Variants in TRIM15 observed in about 807,000 individuals in gnomAD.
TRIM15 encodes the protein tripartite motif containing 15, also known as E3 ubiquitin-protein ligase TRIM15.
In TRIM15, 35 loss-of-function variants were observed where a neutral mutation model predicts 35.8. The observed-to-expected ratio is 0.98, with a 90% confidence interval of 0.75 to 1.30. The LOEUF (loss-of-function observed/expected upper bound fraction) is 1.30, where lower values mean the gene tolerates loss of function less well. Among genes scored for constraint, TRIM15 ranks in the 50% most tolerant of loss-of-function variants. The pLI, the probability that TRIM15 is intolerant of heterozygous loss-of-function variation, is 0.00. For synonymous variants in TRIM15, 252 were observed against 249.8 expected, an observed-to-expected ratio of 1.01 and a Z score of -0.08; for missense variants, 590 against 593.5, an observed-to-expected ratio of 0.99 and a Z score of 0.06.
rs200404814 is a variant in TRIM15 at position 30,163,904 on chromosome 6, C to T, written c.220C>T (p.Pro74Ser). Residue 74 changes from proline to serine, a missense_variant, in exon 1 of 7, where the codon CCC (proline) becomes TCC (serine). By Grantham distance (74) the Pro-to-Ser change is moderately conservative. Coordinates refer to ENST00000376694, the MANE Select transcript of TRIM15 (RefSeq NM_033229.3). ...GGCAGAGACTCCCATGGCCCCTGTG[C>T]CCCTGGGCCCGCTGGGAGAAACTTA... is the stretch of plus-strand genomic sequence containing the variant. ...EQAETPMAPV[P>S]LGPLGETYCE... The T allele has an allele frequency of 2.5e-5, 40 of 1,613,086 alleles. No homozygotes were observed. The highest frequency in any genetic ancestry group is 1.7e-4 in the Middle Eastern group (1 of 6,038).
rs754537772 is a variant in TRIM15, at chr6:30,168,532, T to C, written c.708+2T>C. 1 of 1,579,182 alleles carries C rather than the reference T, an allele frequency of 6.3e-7. No homozygotes were observed. Among genetic ancestry groups the C allele is most frequent in the Non-Finnish European group, 8.6e-7 (1 of 1,161,472 alleles). ...CAGCCAGCAAGTGAGCTTCTACAAG[T>C]GAGAGACACTTCACCACTTTGTAGG... On this transcript the variant is annotated splice_donor_variant, in intron 3 of 6. Coordinates refer to ENST00000376694, the MANE Select transcript of TRIM15 (RefSeq NM_033229.3). LOFTEE classifies it high-confidence loss of function.
At position 30,163,554 on chromosome 6, in the gene TRIM15, TTCTC is replaced by T. The variant is rs1562136672; in HGVS notation, c.-123_-120del. On this transcript the variant is annotated 5_prime_UTR_variant, in exon 1 of 7. Coordinates refer to ENST00000376694, the MANE Select transcript of TRIM15 (RefSeq NM_033229.3). ...CTGGCATTCTTGCCTCTCTCTCTCT[TTCTC>T]TCTCTCTGTCTCTTAGCCTTGCAGC... 6 of 1,136,864 alleles carry T rather than the reference TTCTC, an allele frequency of 5.3e-6. No homozygotes were observed. The highest frequency in any genetic ancestry group is 5.9e-6 in the Non-Finnish European group (5 of 850,340). 70.4% of individuals were successfully genotyped at this position (1,136,864 alleles called of 1,614,324 possible).
intron 5 of TRIM15, 102 bp downstream of exon 5, chr6:30,170,718 T>C: frequency 1.1e-6 from 1 of 945,874 alleles, no homozygotes; most frequent in East Asian, 2.5e-5. Context: ...GCTCGAGACA[T>C]CTTCCCTCCC....
Position 30,163,575 on chromosome 6 carries a change from C to CTCT in TRIM15, c.-110_-109insTCT. ...CTCTTTCTCTCTCTCTGTCTCTTAG[C>CTCT]CTTGCAGCCGTTTCCCTCTGCGATT... On this transcript the variant is annotated 5_prime_UTR_variant, in exon 1 of 7. Coordinates refer to ENST00000376694, the MANE Select transcript of TRIM15 (RefSeq NM_033229.3). 3.7e-5 allele frequency: 41 copies of CTCT among 1,097,248 alleles called. No individual in the cohort carries two copies. Among genetic ancestry groups the CTCT allele is most frequent in the East Asian group, 7.0e-5 (2 of 28,612 alleles). 68.0% of individuals were successfully genotyped at this position (1,097,248 alleles called of 1,614,324 possible).
At position 30,170,635 on chromosome 6, in the gene TRIM15, C is replaced by T. The variant is rs762832554; in HGVS notation, c.847+19C>T. 4.0e-5 allele frequency: 62 copies of T among 1,569,422 alleles called. No individual in the cohort carries two copies. The highest frequency in any genetic ancestry group is 5.0e-5 in the Non-Finnish European group (57 of 1,142,056). On this transcript the variant is annotated intron_variant, in intron 5 of 6. Coordinates refer to ENST00000376694, the MANE Select transcript of TRIM15 (RefSeq NM_033229.3). Reference sequence around the variant, plus strand: ...TTCTCAGGTAAAGGGGAAGGCGCCACAGTTTTCCCCAGTCCCATTAGCTGC... The same window carrying T: ...TTCTCAGGTAAAGGGGAAGGCGCCATAGTTTTCCCCAGTCCCATTAGCTGC...
At chr6:30,168,640 T>A in intron 3 of TRIM15, 110 bp downstream of exon 3, 1 of 1,054,238 alleles carries the variant, frequency 9.5e-7, no homozygotes, top group Non-Finnish European at 1.4e-6. Context: ...GGAGAGAGGT[T>A]AACGGGGTGC....
chr6:30,170,426 T>G, intron 4 of TRIM15, 75 bp from the exon 5 acceptor site: 1 of 847,412 alleles, frequency 1.2e-6, no homozygotes. Context: ...TTAGTCTGAT[T>G]TTAGCCTCAC....
chr6:30,168,633 G>T (rs1773791233), intron 3 of TRIM15, 103 bp downstream of exon 3: 2 of 1,152,848 alleles, frequency 1.7e-6, no homozygotes, highest in Non-Finnish European at 2.5e-6. Context: ...GGGAAGTGGA[G>T]AGAGGTTAAC....
chr6:30,171,687 A>C, intron 6 of TRIM15, 145 bp from the exon 7 acceptor site: 1 of 1,072,044 alleles, frequency 9.3e-7, no homozygotes, highest in Non-Finnish European at 1.3e-6. Flanking sequence ...CCACTTGCTG[A>C]TTAGGTAGAA....
At chr6:30,171,166 T>C (rs1773990721) in intron 6 of TRIM15, 158 bp downstream of exon 6, 1 of 725,938 alleles carries the variant, frequency 1.4e-6, no homozygotes, top group Non-Finnish European at 2.3e-6. Flanking sequence ...TTATTAAGCC[T>C]CTGTCCCACA....
chr6:30,170,309 C>T lies in TRIM15; in HGVS notation c.732-192C>T, dbSNP rs560253346. 3 of 567,934 alleles carry T rather than the reference C, an allele frequency of 5.3e-6. No homozygotes were observed. In the East Asian group the frequency reaches 8.6e-5, roughly 16 times the overall value. The allele number at this position is 567,934 out of a possible 1,614,324, so 35.2% of individuals were successfully genotyped here. A position where few individuals can be genotyped will look rare whatever the true frequency, so the allele number is the denominator to read the frequency against. ...TGAGAAGTGATTATCCTTAGTTCCT[C>T]TTAGGTTTAACTGAAATGCCTACTA... On this transcript the variant is annotated intron_variant, in intron 4 of 6. Coordinates refer to ENST00000376694, the MANE Select transcript of TRIM15 (RefSeq NM_033229.3).
At chr6:30,164,337 G>A (rs1325049464) in intron 1 of TRIM15, among the ~76,000 whole-genome samples, 1 of 152,148 alleles carries the variant, frequency 6.6e-6, no homozygotes, top group African/African-American at 2.4e-5. Flanking sequence ...CACTCACTAT[G>A]GAAAGAAAGC....
At chr6:30,165,251 C>G (rs371679774) in intron 1 of TRIM15, among the ~76,000 whole-genome samples, 8 of 152,306 alleles carry the variant, frequency 5.3e-5, no homozygotes, top group African/African-American at 1.7e-4. Context: ...TATCCCTCCC[C>G]TAGTCCCCCA....
At position 30,172,279 on chromosome 6, in the gene TRIM15, C is replaced by T. The variant is rs1052339120; in HGVS notation, c.1328C>T (p.Ser443Phe). The change falls in exon 7 of 7, where the codon TCT (serine) becomes TTT (phenylalanine). Residue 443 changes from serine (S) to phenylalanine (F), a missense_variant. Ser to Phe is a radical substitution (Grantham distance 155). Transcript: ENST00000376694. ...TQEPIFTFTA[S>F]FSGKVFPFFA... ...GAGCCCATCTTCACCTTCACTGCCT[C>T]TTTCTCCGGCAAAGTCTTCCCTTTC... 3 of 1,612,968 alleles carry T rather than the reference C, an allele frequency of 1.9e-6. No individual in the cohort carries two copies. The highest frequency in any genetic ancestry group is 2.5e-6 in the Non-Finnish European group (3 of 1,179,946).
In TRIM15 at chr6:30,167,465, C is replaced by A. The variant is rs115703987; in HGVS notation, c.477+194C>A. Among the ~76,000 whole-genome samples the A allele has an allele frequency of 9.5e-3, 1,451 of 152,330 alleles. 21 individuals are homozygous for A. Among genetic ancestry groups the A allele is most frequent in the African/African-American group, 0.031 (1,305 of 41,572 alleles). On this transcript the variant is annotated intron_variant, in intron 2 of 6. Transcript: ENST00000376694. ...AGAAGTGGTTCTGATGTCTTGCAAT[C>A]CAAGATCCATCTTGTATATCACATT...
rs774938366 is a variant in TRIM15, at chr6:30,172,062, G to C, written c.1111G>C (p.Gly371Arg). The C allele has an allele frequency of 4.5e-6, 7 of 1,570,772 alleles. No homozygotes were observed. Among genetic ancestry groups the C allele is most frequent in the Non-Finnish European group, 6.0e-6 (7 of 1,158,274 alleles). Residue 371 changes from glycine (G) to arginine (R), a missense_variant, in exon 7 of 7, where the codon GGG becomes CGG. Physicochemically the swap from Gly to Arg is moderately radical, Grantham distance 125. Transcript: ENST00000376694. Reference protein sequence around the residue: ...GGCTVGVAGEGVRRKGEMGLS... With the variant: ...GGCTVGVAGERVRRKGEMGLS... The stretch of plus-strand genomic sequence containing the variant: ...CTGCACGGTGGGGGTGGCCGGGGAG[G>C]GGGTGAGGAGGAAGGGAGAGATGGG...
chr6:30,171,238 A>G, intron 6 of TRIM15: 1 of 483,348 alleles, frequency 2.1e-6, no homozygotes, highest in Non-Finnish European at 3.6e-6. Context: ...AGTAGCTGTG[A>G]GGACAAAATA....
rs762799736 is a variant in TRIM15 at position 30,163,831 on chromosome 6, A to G, written c.147A>G (p.Gln49=). ...CCGCGCTCTCCCAGATGGGGGCCCA[A>G]TCCTCGGGCAAGATCCTGCTCTGCC... The part of the protein sequence containing the change: ...CLPALSQMGA[Q]SSGKILLCPL... Residue 49 remains glutamine (Q), a synonymous_variant, in exon 1 of 7, where the codon CAA becomes CAG. Transcript: ENST00000376694. 9.3e-6 allele frequency: 15 copies of G among 1,612,894 alleles called. No individual in the cohort carries two copies. In the African/African-American group the frequency reaches 1.3e-4, roughly 14 times the overall value.
At chr6:30,165,455 G>GGCA (rs1181020913) in intron 1 of TRIM15, among the ~76,000 whole-genome samples, 1 of 152,172 alleles carries the variant, frequency 6.6e-6, no homozygotes, top group East Asian at 1.9e-4. Flanking sequence ...TGCCTGCATA[G>GGCA]TATTCCATGG....
Sources: gnomAD v4.1 joint callset for allele counts (sites outside exome capture counted in the v4.1 genomes callset) on GRCh38, gnomAD v4.1.1 for gene constraint, MANE v1.5 for transcripts, NCBI Gene and HGNC (gene_info 2026-07-23, HGNC 2026-07-21) for gene names.